Variants in NRROS observed in about 807,000 individuals in gnomAD.
NRROS encodes negative regulator of reactive oxygen species.
A neutral mutation model predicts 12.0 loss-of-function variants in NRROS; 6 were observed. The observed-to-expected ratio is 0.50, with a 90% CI of 0.27 to 0.98. The LOEUF (loss-of-function observed/expected upper bound fraction) is 0.98, where lower values mean the gene tolerates loss of function less well. Among genes scored for constraint, NRROS ranks in the 50% least tolerant of loss-of-function variants. NRROS has a pLI of 0.11. For synonymous variants in NRROS, 462 were observed against 410.2 expected (o/e 1.13, Z -1.53); for missense variants, 857 against 888.2 (o/e 0.96, Z 0.45).
intron 1 of NRROS, among the ~76,000 whole-genome samples, chr3:196,651,516 C>T (rs1435769710): frequency 3.9e-5 from 6 of 152,130 alleles, no homozygotes; most frequent in Admixed American, 3.3e-4. Context: ...CCTGTAATCC[C>T]ATCACTTTGG....
intron 1 of NRROS, among the ~76,000 whole-genome samples, chr3:196,644,695 C>A (rs1443290862): frequency 6.7e-6 from 1 of 148,906 alleles, no homozygotes; most frequent in East Asian, 2.0e-4. Flanking sequence ...ATCTCTTGAA[C>A]CCCGGAGGCA....
rs1191091406 is a variant in NRROS, at chr3:196,660,402, G to A, written c.759G>A (p.Glu253=). The change falls in exon 3 of 3, where the codon GAG becomes GAA. Residue 253 remains glutamate (E), a synonymous_variant. Coordinates refer to ENST00000328557, the MANE Select transcript of NRROS (RefSeq NM_198565.3). The surrounding 1 kb of genome is among the most constrained non-coding windows in gnomAD (Gnocchi z 7.7). The part of the protein sequence containing the change: ...ATGGEAAFEL[E]TLDLSHNQLL... ...GGGGAGAGGCTGCCTTCGAGCTGGA[G>A]ACGCTGGACCTGTCTCACAACCAGC... The A allele has an allele frequency of 6.2e-7, 1 of 1,613,800 alleles. No individual in the cohort carries two copies. The highest frequency in any genetic ancestry group is 1.3e-5 in the African/African-American group (1 of 74,896).
intron 2 of NRROS, among the ~76,000 whole-genome samples, chr3:196,656,059 T>C (rs1387199771): frequency 6.6e-6 from 1 of 152,084 alleles, no homozygotes; most frequent in Non-Finnish European, 1.5e-5. Context: ...TAGTCCCAGC[T>C]ACTCGGGAGG....
At chr3:196,645,222 G>C (rs1252804647) in intron 1 of NRROS, among the ~76,000 whole-genome samples, 2 of 152,194 alleles carry the variant, frequency 1.3e-5, no homozygotes, top group Non-Finnish European at 2.9e-5. Context: ...GAGCCTGCAG[G>C]ATGAGTAAGA....
At chr3:196,652,285 C>G (rs1002787782) in intron 1 of NRROS, among the ~76,000 whole-genome samples, 1 of 152,176 alleles carries the variant, frequency 6.6e-6, no homozygotes, top group African/African-American at 2.4e-5. Context: ...ACAGGAATAA[C>G]CAGCACTCAG....
At chr3:196,643,021 G>GTGCA (rs1737238335) in intron 1 of NRROS, among the ~76,000 whole-genome samples, 1 of 148,286 alleles carries the variant, frequency 6.7e-6, no homozygotes, top group Admixed American at 6.8e-5. Context: ...AGTGAGCCGA[G>GTGCA]ATGATTGTGC....
At chr3:196,649,285 T>C (rs550251445) in intron 1 of NRROS, among the ~76,000 whole-genome samples, 2 of 152,270 alleles carry the variant, frequency 1.3e-5, no homozygotes, top group African/African-American at 4.8e-5. Flanking sequence ...CTTCCCATTC[T>C]CCCAGATCCC....
intron 1 of NRROS, among the ~76,000 whole-genome samples, chr3:196,653,496 T>C (rs906080856): frequency 6.6e-6 from 1 of 152,170 alleles, no homozygotes; most frequent in Non-Finnish European, 1.5e-5. Context: ...GGGCCTCCGG[T>C]AGGTGTCAAG....
At chr3:196,646,363 C>T (rs148838705) in intron 1 of NRROS, among the ~76,000 whole-genome samples, 309 of 152,348 alleles carry the variant, frequency 2.0e-3, no homozygotes, top group African/African-American at 6.9e-3. Flanking sequence ...TGCGGTTGAG[C>T]GCCTATCAGC....
intron 2 of NRROS, among the ~76,000 whole-genome samples, chr3:196,656,118 C>T (rs932658321): frequency 3.9e-5 from 6 of 151,982 alleles, no homozygotes; most frequent in Admixed American, 3.9e-4. Flanking sequence ...AGTGAGCTGA[C>T]ATCGTGCCAC....
At chr3:196,643,079 A>C (rs1319778637) in intron 1 of NRROS, among the ~76,000 whole-genome samples, 1 of 151,790 alleles carries the variant, frequency 6.6e-6, no homozygotes, top group Non-Finnish European at 1.5e-5. Flanking sequence ...GTCTCAAAAA[A>C]AAAAAAAAAA....
intron 2 of NRROS, among the ~76,000 whole-genome samples, chr3:196,657,976 C>T (rs535871853): frequency 5.3e-5 from 8 of 152,198 alleles, no homozygotes; most frequent in South Asian, 2.1e-4. Context: ...AAACGCTATG[C>T]GAAAATGACG....
intron 1 of NRROS, among the ~76,000 whole-genome samples, chr3:196,647,918 T>G (rs1577629915): frequency 2.6e-5 from 4 of 152,198 alleles, no homozygotes; most frequent in Admixed American, 2.0e-4. Context: ...GCCAGGCTGG[T>G]CTCGAACCCC....
rs1737651652 is a variant in NRROS at position 196,660,680 on chromosome 3, G to C, written c.1037G>C (p.Gly346Ala). Residue 346 changes from glycine to alanine, a missense_variant, in exon 3 of 3, where the codon GGC (glycine) becomes GCC (alanine). Transcript: ENST00000328557. This position sits in a 1 kb window ranked among gnomAD's most constrained non-coding sequence, Gnocchi z 7.7. Reference sequence around the variant, plus strand: ...AACCAGTTCCAGTACCTGCCAGACGGCTTCCTGAGGAAAATGCCTTCCCTC... The same window carrying C: ...AACCAGTTCCAGTACCTGCCAGACGCCTTCCTGAGGAAAATGCCTTCCCTC... ...SQNQFQYLPD[G>A]FLRKMPSLSH... is the part of the protein sequence containing the mutation. The C allele has an allele frequency of 6.2e-7, 1 of 1,614,132 alleles. No individual in the cohort carries two copies. The highest frequency in any genetic ancestry group is 8.5e-7 in the Non-Finnish European group (1 of 1,180,010).
intron 2 of NRROS, among the ~76,000 whole-genome samples, chr3:196,657,598 G>C (rs71323739): frequency 0.09 from 13,697 of 151,476 alleles, 670 homozygotes; most frequent in East Asian, 0.11. Context: ...TCCCAGCTAC[G>C]TGGGAGGCTA....
chr3:196,658,826 T>G (rs544038349), intron 2 of NRROS, among the ~76,000 whole-genome samples: 1 of 151,984 alleles, frequency 6.6e-6, no homozygotes, highest in Non-Finnish European at 1.5e-5. Context: ...AAAAGTTAGC[T>G]GGGCGTGGTG....
intron 1 of NRROS, among the ~76,000 whole-genome samples, chr3:196,649,766 G>T (rs753633579): frequency 6.6e-6 from 1 of 152,156 alleles, no homozygotes; most frequent in African/African-American, 2.4e-5. Context: ...CACTGCGCCC[G>T]GCCAAAATAT....
intron 2 of NRROS, among the ~76,000 whole-genome samples, chr3:196,659,085 C>T (rs565776013): frequency 1.2e-4 from 18 of 152,262 alleles, no homozygotes; most frequent in African/African-American, 3.1e-4. Flanking sequence ...GTATCCTGCA[C>T]GTGTGCTTTC....
At chr3:196,648,068 G>A (rs1737345314) in intron 1 of NRROS, among the ~76,000 whole-genome samples, 1 of 152,160 alleles carries the variant, frequency 6.6e-6, no homozygotes, top group Non-Finnish European at 1.5e-5. Flanking sequence ...TTTGAAAAAG[G>A]TATGTTAATG....
Sources: allele counts gnomAD v4.1 joint callset (sites outside exome capture counted in the v4.1 genomes callset), GRCh38; gene constraint gnomAD v4.1.1; non-coding constraint Gnocchi (gnomAD v3.1); transcripts MANE v1.5; gene names NCBI Gene and HGNC (gene_info 2026-07-23, HGNC 2026-07-21).